Variants in DLC1 observed in about 807,000 individuals in gnomAD.
DLC1 encodes the protein rho GTPase-activating protein 7.
DLC1 carries 54 observed loss-of-function variants against 140.3 expected under a neutral mutation model. That is an observed-to-expected ratio of 0.38 (90% CI 0.31 to 0.48). DLC1 has a LOEUF of 0.48. Ranked by LOEUF, DLC1 falls within the 20% of genes least tolerant of loss-of-function variation. The pLI, the probability that DLC1 is intolerant of heterozygous loss-of-function variation, is 0.96. For missense variants in DLC1, 2,536 were observed against 1,907.0 expected, an observed-to-expected ratio of 1.33 and a Z score of -6.14; for synonymous variants, 986 against 728.1, an observed-to-expected ratio of 1.35 and a Z score of -5.70.
chr8:13,177,042 A>G (rs1825795732), intron 5 of DLC1, among the ~76,000 whole-genome samples: 2 of 152,122 alleles, frequency 1.3e-5, no homozygotes, highest in African/African-American at 4.8e-5. Context: ...AAACTATCTA[A>G]TCATAGGTTT....
chr8:13,219,492 T>C (rs2117148476), intron 5 of DLC1, among the ~76,000 whole-genome samples: 1 of 141,120 alleles, frequency 7.1e-6, no homozygotes, highest in South Asian at 2.3e-4. Context: ...TAATTATATA[T>C]TTAACTTACT....
intron 1 of DLC1, among the ~76,000 whole-genome samples, chr8:13,581,173 T>A (rs1185722164): frequency 1.3e-5 from 2 of 152,248 alleles, no homozygotes; most frequent in South Asian, 2.1e-4. Context: ...GGGTCAAATT[T>A]TATGCCTCAC....
rs2041749202 is a variant in DLC1, at chr8:13,281,152, T to G, written c.1348+24117A>C. 5.9e-5 allele frequency among the ~76,000 whole-genome samples: 9 copies of G among 152,238 alleles called. No homozygotes were observed. In the South Asian group the frequency reaches 1.9e-3, roughly 32 times the overall value. The stretch of plus-strand genomic sequence containing the variant: ...TGTTATATGCCATGGAGGACTGTTT[T>G]TGTTTTGAAATGTTTAGTTAATATA... On this transcript the variant is annotated intron_variant, in intron 5 of 17. Transcript: ENST00000276297.
At chr8:13,450,218 G>T (rs969406086) in intron 2 of DLC1, among the ~76,000 whole-genome samples, 1 of 151,910 alleles carries the variant, frequency 6.6e-6, no homozygotes, top group Non-Finnish European at 1.5e-5. Flanking sequence ...ACTTTGGGGG[G>T]CTGAGGCAGG....
At chr8:13,226,447 A>T (rs888827658) in intron 5 of DLC1, among the ~76,000 whole-genome samples, 7 of 152,200 alleles carry the variant, frequency 4.6e-5, no homozygotes, top group African/African-American at 7.2e-5. Flanking sequence ...ATAAGTACTG[A>T]TATATGGGCT....
intron 4 of DLC1, among the ~76,000 whole-genome samples, chr8:13,313,664 T>C (rs1832763926): frequency 2.0e-5 from 3 of 152,302 alleles, no homozygotes; most frequent in Non-Finnish European, 4.4e-5. Flanking sequence ...AAAACAAATA[T>C]AGGTTGTCTG....
At chr8:13,094,003 A>G (rs1818295954) in intron 12 of DLC1, among the ~76,000 whole-genome samples, 1 of 152,228 alleles carries the variant, frequency 6.6e-6, no homozygotes. Context: ...TGAATAACAG[A>G]AAAAGATTAT....
chr8:13,536,963 T>C (rs957250940), intron 1 of DLC1, among the ~76,000 whole-genome samples: 6 of 152,208 alleles, frequency 3.9e-5, no homozygotes, highest in Non-Finnish European at 8.8e-5. Flanking sequence ...CAGGGAATTT[T>C]ATGTTAAAAT....
chr8:13,475,106 T>A (rs1030765201), intron 2 of DLC1, among the ~76,000 whole-genome samples: 2 of 101,922 alleles, frequency 2.0e-5, no homozygotes, highest in Non-Finnish European at 4.0e-5. Flanking sequence ...AGCCACTGCA[T>A]CCAGCAAAAT....
intron 7 of DLC1, among the ~76,000 whole-genome samples, chr8:13,105,296 G>A (rs939378368): frequency 6.6e-6 from 1 of 152,102 alleles, no homozygotes; most frequent in African/African-American, 2.4e-5. Flanking sequence ...TTGTCCTGGA[G>A]GACCCCCAAA....
At chr8:13,529,033 A>G (rs1475702284) in intron 1 of DLC1, among the ~76,000 whole-genome samples, 1 of 152,240 alleles carries the variant, frequency 6.6e-6, no homozygotes, top group Non-Finnish European at 1.5e-5. Flanking sequence ...AGACGAGGGA[A>G]GTAACAACAG....
At chr8:13,088,003 C>G (rs557324165) in intron 16 of DLC1, among the ~76,000 whole-genome samples, 11 of 152,188 alleles carry the variant, frequency 7.2e-5, no homozygotes, top group African/African-American at 2.7e-4. Flanking sequence ...CCATTCTCAG[C>G]GAGGAACACA....
intron 5 of DLC1, among the ~76,000 whole-genome samples, chr8:13,135,853 G>C (rs766037411): frequency 9.9e-5 from 15 of 152,018 alleles, no homozygotes; most frequent in Non-Finnish European, 1.9e-4. Context: ...ACTGTCCCTG[G>C]ATCTTTTCTA....
chr8:13,222,940 A>G (rs1271511296), intron 5 of DLC1, among the ~76,000 whole-genome samples: 2 of 151,474 alleles, frequency 1.3e-5, no homozygotes, highest in East Asian at 3.9e-4. Flanking sequence ...TTTTGCAGAG[A>G]TGGGGTCTTG....
At chr8:13,343,556 A>AT (rs899717094) in intron 4 of DLC1, among the ~76,000 whole-genome samples, 1 of 152,192 alleles carries the variant, frequency 6.6e-6, no homozygotes, top group African/African-American at 2.4e-5. Flanking sequence ...ATCTTATATG[A>AT]TTTTTAAACA....
chr8:13,398,585 T>C (rs1362052177), intron 3 of DLC1, among the ~76,000 whole-genome samples: 1 of 113,010 alleles, frequency 8.8e-6, no homozygotes, highest in Admixed American at 1.1e-4. Context: ...CTGGGCAACA[T>C]AGAGAAACCC....
At chr8:13,582,272 A>G (rs1805130395) in intron 1 of DLC1, among the ~76,000 whole-genome samples, 1 of 152,242 alleles carries the variant, frequency 6.6e-6, no homozygotes, top group Non-Finnish European at 1.5e-5. Flanking sequence ...TCTCTTCAAG[A>G]AAACACCAGT....
At chr8:13,305,096 T>C in intron 5 of DLC1, 173 bp downstream of exon 5, 1 of 1,291,726 alleles carries the variant, frequency 7.7e-7, no homozygotes, top group South Asian at 2.7e-5. Context: ...GAAAACCACG[T>C]ATATTTTTCT....
At chr8:13,498,713 C>T (rs1563399276) in intron 2 of DLC1, 1 of 193,720 alleles carries the variant, frequency 5.2e-6, no homozygotes, top group South Asian at 1.7e-4. Context: ...TTAGAAATCA[C>T]TCTACAGAAT....
Sources: allele counts gnomAD v4.1 joint callset (sites outside exome capture counted in the v4.1 genomes callset), GRCh38; gene constraint gnomAD v4.1.1; transcripts MANE v1.5; gene names NCBI Gene and HGNC (gene_info 2026-07-23, HGNC 2026-07-21).